The following FLI1 variants were observed in gnomAD, a reference collection of about 807,000 sequenced individuals.
FLI1 encodes Fli-1 proto-oncogene, ETS transcription factor.
Under a neutral mutation model 53.1 loss-of-function variants are expected in FLI1, and 13 were observed. The observed-to-expected ratio is 0.24, with a 90% confidence interval of 0.16 to 0.39. FLI1 has a LOEUF of 0.39. FLI1 is among the 10% of genes least tolerant of loss of function. The probability of loss-of-function intolerance (pLI) is 1.00; values close to 1 mark genes in which losing one functional copy is unlikely to be tolerated. For synonymous variants in FLI1, 244 were observed against 236.7 expected, an observed-to-expected ratio of 1.03 and a Z score of -0.28; for missense variants, 424 against 600.5, an observed-to-expected ratio of 0.71 and a Z score of 3.07.
At chr11:128,791,902 C>T (rs550599843) in intron 5 of FLI1, among the ~76,000 whole-genome samples, 2 of 152,300 alleles carry the variant, frequency 1.3e-5, no homozygotes, top group South Asian at 4.1e-4. Context: ...GGTCTCTGCC[C>T]ATCAGGAGGA....
rs189939427 is a variant in FLI1 at position 128,752,480 on chromosome 11, C to T, written c.19-5635C>T. 1.6e-3 allele frequency among the ~76,000 whole-genome samples: 237 copies of T among 152,332 alleles called. 3 individuals carry two copies. The highest frequency in any genetic ancestry group is 2.8e-3 in the Non-Finnish European group (193 of 68,030). On this transcript the variant is annotated intron_variant, in intron 1 of 8. Coordinates refer to ENST00000527786, the MANE Select transcript of FLI1 (RefSeq NM_002017.5). ...ATGAAGCTTGGATAGAAACTCAAATCTCTCTGACTCAAGATTTATGCTCTA... is the reference window on the plus strand; with the variant it reads ...ATGAAGCTTGGATAGAAACTCAAATTTCTCTGACTCAAGATTTATGCTCTA...
At chr11:128,718,041 C>A (rs1419462428) in intron 1 of FLI1, among the ~76,000 whole-genome samples, 4 of 152,300 alleles carry the variant, frequency 2.6e-5, no homozygotes, top group Non-Finnish European at 5.9e-5. Flanking sequence ...GGCAGAGAAG[C>A]CTCATAGATA....
intron 1 of FLI1, among the ~76,000 whole-genome samples, chr11:128,738,173 C>T (rs371423062): frequency 1.3e-4 from 20 of 152,160 alleles, no homozygotes; most frequent in Non-Finnish European, 1.3e-4. Context: ...AAGTGCCATC[C>T]GCCTTATTTT....
chr11:128,768,668 G>A (rs1941443098), intron 3 of FLI1, among the ~76,000 whole-genome samples: 1 of 131,110 alleles, frequency 7.6e-6, no homozygotes, highest in South Asian at 2.6e-4. Flanking sequence ...CAGCCTGGGT[G>A]ATGGAATGAG....
intron 1 of FLI1, among the ~76,000 whole-genome samples, chr11:128,736,549 A>G (rs1939925655): frequency 1.3e-5 from 2 of 152,194 alleles, no homozygotes; most frequent in South Asian, 4.1e-4. Context: ...TTTTAGACAC[A>G]CCCAGAAACA....
intron 1 of FLI1, among the ~76,000 whole-genome samples, chr11:128,754,234 G>GGTGT (rs1940768569): frequency 1.0e-5 from 1 of 98,242 alleles, no homozygotes; most frequent in Non-Finnish European, 2.0e-5. Flanking sequence ...ATAGAAGGGG[G>GGTGT]ATGTGTGTGT....
intron 1 of FLI1, among the ~76,000 whole-genome samples, chr11:128,714,834 G>A (rs192711916): frequency 1.0e-4 from 15 of 149,504 alleles, no homozygotes; most frequent in East Asian, 3.9e-4. Flanking sequence ...TCAGCCTTCC[G>A]TGTAGCTTGG....
chr11:128,756,098 G>T (rs1940849377), intron 1 of FLI1, among the ~76,000 whole-genome samples: 1 of 152,212 alleles, frequency 6.6e-6, no homozygotes, highest in African/African-American at 2.4e-5. Context: ...ACAAATCCCA[G>T]CTTTAACAAG....
intron 1 of FLI1, among the ~76,000 whole-genome samples, chr11:128,708,136 G>A (rs867393694): frequency 6.6e-6 from 1 of 152,152 alleles, no homozygotes; most frequent in Admixed American, 6.5e-5. Flanking sequence ...TGGGTGCCTT[G>A]GTTTCCCCAT....
rs562464031 is a variant in FLI1 at position 128,701,146 on chromosome 11, T to C, written c.18+6870T>C. Among the ~76,000 whole-genome samples the C allele has an allele frequency of 2.3e-3, 352 of 152,248 alleles. 1 individual carries two copies. The highest frequency in any genetic ancestry group is 8.1e-3 in the African/African-American group (337 of 41,534). Reference sequence around the variant, plus strand: ...AGACACCTGTTGATTAAATATGGCATTAGGGGAGGGAGGAGAAACTCTATT... The same window carrying C: ...AGACACCTGTTGATTAAATATGGCACTAGGGGAGGGAGGAGAAACTCTATT... On this transcript the variant is annotated intron_variant, in intron 1 of 8. Transcript: ENST00000527786.
At chr11:128,742,806 C>A (rs561820383) in intron 1 of FLI1, among the ~76,000 whole-genome samples, 1 of 152,298 alleles carries the variant, frequency 6.6e-6, no homozygotes, top group African/African-American at 2.4e-5. Flanking sequence ...AAGATTGATG[C>A]TGACGAGTAT....
intron 2 of FLI1, among the ~76,000 whole-genome samples, chr11:128,760,246 G>A (rs746648245): frequency 2.8e-4 from 42 of 152,222 alleles, no homozygotes; most frequent in Non-Finnish European, 4.6e-4. Flanking sequence ...ACACAGGAAG[G>A]CAAGCAGGGC....
At chr11:128,754,235 ATGTGTG>A (rs57171401) in intron 1 of FLI1, among the ~76,000 whole-genome samples, 29,635 of 145,640 alleles carry the variant, frequency 0.2, 2,870 homozygotes, top group Middle Eastern at 0.24. Context: ...TAGAAGGGGG[ATGTGTG>A]TGTGTGTGTG....
At chr11:128,750,444 T>A (rs1162043606) in intron 1 of FLI1, among the ~76,000 whole-genome samples, 1 of 152,236 alleles carries the variant, frequency 6.6e-6, no homozygotes, top group African/African-American at 2.4e-5. Flanking sequence ...CTCCCACTCA[T>A]GTCCACTTCT....
chr11:128,790,430 A>G (rs1329006342), intron 5 of FLI1, among the ~76,000 whole-genome samples: 3 of 152,106 alleles, frequency 2.0e-5, no homozygotes, highest in Non-Finnish European at 4.4e-5. Flanking sequence ...TCCCTCGGGA[A>G]CTTAGCCAGC....
chr11:128,736,957 C>T (rs1236564081), intron 1 of FLI1, among the ~76,000 whole-genome samples: 2 of 152,176 alleles, frequency 1.3e-5, no homozygotes, highest in African/African-American at 4.8e-5. Flanking sequence ...AAAGGAGGCA[C>T]ATTCTAACAA....
intron 1 of FLI1, among the ~76,000 whole-genome samples, chr11:128,757,608 C>G (rs980965321): frequency 2.0e-5 from 3 of 152,218 alleles, no homozygotes; most frequent in Non-Finnish European, 4.4e-5. Flanking sequence ...CCACCCTTCC[C>G]TTGTGTGACC....
rs150838554 is a variant in FLI1, at chr11:128,759,741, A to G, written c.230+1415A>G. On this transcript the variant is annotated intron_variant, in intron 2 of 8. Coordinates refer to ENST00000527786, the MANE Select transcript of FLI1 (RefSeq NM_002017.5). ...GTTCTCTTTGAGATTCCTTGTGAGC[A>G]ATGGGTAGAACATCCAGATAAAAAC... Among the ~76,000 whole-genome samples, 488 of 152,358 alleles carry G rather than the reference A, an allele frequency of 3.2e-3. 2 individuals carry two copies. The highest frequency in any genetic ancestry group is 4.9e-3 in the Non-Finnish European group (333 of 68,036).
At chr11:128,794,026 GT>G (rs1019527476) in intron 5 of FLI1, among the ~76,000 whole-genome samples, 2 of 152,172 alleles carry the variant, frequency 1.3e-5, no homozygotes, top group African/African-American at 4.8e-5. Flanking sequence ...GGCCGTTTGG[GT>G]TTTGCATGTC....
Sources: allele counts gnomAD v4.1 joint callset (sites outside exome capture counted in the v4.1 genomes callset), GRCh38; gene constraint gnomAD v4.1.1; transcripts MANE v1.5; gene names NCBI Gene and HGNC (gene_info 2026-07-23, HGNC 2026-07-21).